SMPD3: variants seen among roughly 807,000 people sequenced by gnomAD.
SMPD3 encodes the protein sphingomyelin phosphodiesterase 3.
SMPD3 carries 21 observed loss-of-function variants against 55.7 expected under a neutral mutation model. That is an observed-to-expected ratio of 0.38 (90% CI 0.27 to 0.54). The LOEUF is 0.54. SMPD3 is among the 20% of genes least tolerant of loss of function. The probability of loss-of-function intolerance (pLI) is 0.80; values close to 1 mark genes in which losing one functional copy is unlikely to be tolerated. For missense variants in SMPD3, 842 were observed against 899.6 expected (o/e 0.94, Z 0.82); for synonymous variants, 457 against 404.3 (o/e 1.13, Z -1.56).
At position 68,404,810 on chromosome 16, in the gene SMPD3, C is replaced by T. The variant is rs1446015526; in HGVS notation, c.-268-18151G>A. Among the ~76,000 whole-genome samples the T allele has an allele frequency of 6.6e-6, 1 of 152,204 alleles. No individual in the cohort carries two copies. The highest frequency in any genetic ancestry group is 2.4e-5 in the African/African-American group (1 of 41,442). On this transcript the variant is annotated intron_variant, in intron 1 of 8. Coordinates refer to ENST00000219334, the MANE Select transcript of SMPD3 (RefSeq NM_018667.4). This position sits in a 1 kb window ranked among gnomAD's most constrained non-coding sequence, Gnocchi z 4.0. ...AATTGGAAATGAAAAGGCCCTGGTA[C>T]TTGACAGATCTACTCCAGTGACTTG...
intron 1 of SMPD3, among the ~76,000 whole-genome samples, chr16:68,416,370 G>C (rs200743669): frequency 3.3e-4 from 51 of 152,254 alleles, no homozygotes; most frequent in African/African-American, 1.1e-3. Flanking sequence ...CCGACCCTGA[G>C]TTGTCCCAGG....
At chr16:68,361,907 C>G (rs1377016851) in intron 7 of SMPD3, 148 bp from the exon 8 acceptor site, 1 of 1,210,024 alleles carries the variant, frequency 8.3e-7, no homozygotes, top group African/African-American at 1.5e-5. Flanking sequence ...CCCTGCGGGT[C>G]CAAAAAGGGC....
At chr16:68,439,035 C>T (rs1035298721) in intron 1 of SMPD3, among the ~76,000 whole-genome samples, 1 of 152,174 alleles carries the variant, frequency 6.6e-6, no homozygotes, top group South Asian at 2.1e-4. Context: ...ATGCCTGACC[C>T]ACTGTAAACA....
At chr16:68,403,536 C>T (rs12596348) in intron 1 of SMPD3, among the ~76,000 whole-genome samples, 2 of 152,222 alleles carry the variant, frequency 1.3e-5, no homozygotes. Context: ...GCTGGTTTGA[C>T]TAATTCAGTA....
intron 2 of SMPD3, among the ~76,000 whole-genome samples, chr16:68,377,560 G>T (rs896318162): frequency 6.6e-6 from 1 of 152,214 alleles, no homozygotes; most frequent in Non-Finnish European, 1.5e-5. Flanking sequence ...CTGAGCCAGA[G>T]CCCCCCTCCC....
intron 1 of SMPD3, among the ~76,000 whole-genome samples, chr16:68,437,229 G>A (rs1424679875): frequency 6.6e-6 from 1 of 152,228 alleles, no homozygotes; most frequent in African/African-American, 2.4e-5. Context: ...ACTTGGTCCT[G>A]GCTGATGAAG....
chr16:68,393,622 C>T (rs1183340840), intron 1 of SMPD3, among the ~76,000 whole-genome samples: 1 of 152,162 alleles, frequency 6.6e-6, no homozygotes, highest in Non-Finnish European at 1.5e-5. Context: ...TGGATTGGAG[C>T]AGGTTTGAGA....
intron 1 of SMPD3, among the ~76,000 whole-genome samples, chr16:68,431,981 G>A (rs192682727): frequency 6.6e-6 from 1 of 151,982 alleles, no homozygotes; most frequent in African/African-American, 2.4e-5. Context: ...TGGGTGTGGT[G>A]GTGCGGGCCT....
rs766543427 is a variant in SMPD3, at chr16:68,364,955, C to T, written c.1400-49G>A. 2.1e-5 allele frequency: 34 copies of T among 1,613,402 alleles called. No individual in the cohort carries two copies. The South Asian group carries it at 2.4e-4, about 11-fold the overall frequency. ...TGGATGATGAAGTTCGCCCCAGACC[C>T]CAGCTAGGCCCCAGGCACTGATCCC... is the stretch of plus-strand genomic sequence containing the variant. On this transcript the variant is annotated intron_variant, in intron 4 of 8. Transcript: ENST00000219334.
At chr16:68,361,858 C>T (rs529093102) in intron 7 of SMPD3, 99 bp from the exon 8 acceptor site, 140 of 536,376 alleles carry the variant, frequency 2.6e-4, no homozygotes, top group African/African-American at 2.2e-3. Context: ...AGTGTGGGAG[C>T]GGGTGGGTGG....
Position 68,447,980 on chromosome 16 carries a change from G to A in SMPD3, c.-269+373C>T, listed in dbSNP as rs1236633681. On this transcript the variant is annotated intron_variant, in intron 1 of 8. Coordinates refer to ENST00000219334, the MANE Select transcript of SMPD3 (RefSeq NM_018667.4). The surrounding 1 kb of genome is among the most constrained non-coding windows in gnomAD (Gnocchi z 5.1). ...GAGCAGCCGAAGTGTTGCGGGGAGG[G>A]GTCCCCCTGCCTCGAGTCCCTTCAT... is the stretch of plus-strand genomic sequence containing the variant. 1.3e-5 allele frequency among the ~76,000 whole-genome samples: 2 copies of A among 152,134 alleles called. No individual in the cohort carries two copies. The highest frequency in any genetic ancestry group is 4.8e-5 in the African/African-American group (2 of 41,436).
intron 1 of SMPD3, among the ~76,000 whole-genome samples, chr16:68,390,505 A>G (rs1160193255): frequency 6.6e-6 from 1 of 152,138 alleles, no homozygotes; most frequent in Non-Finnish European, 1.5e-5. Flanking sequence ...TAAAAAATAT[A>G]CAAAAACTAG....
chr16:68,418,735 T>A (rs1429994276), intron 1 of SMPD3, among the ~76,000 whole-genome samples: 1 of 152,208 alleles, frequency 6.6e-6, no homozygotes, highest in Non-Finnish European at 1.5e-5. Context: ...GGGAGGTAGC[T>A]TGGGAAACTC....
chr16:68,420,296 T>C (rs1451718156), intron 1 of SMPD3, among the ~76,000 whole-genome samples: 1 of 152,246 alleles, frequency 6.6e-6, no homozygotes. Flanking sequence ...TCCATTTCAT[T>C]TGAACTTCGC....
At chr16:68,406,998 C>T (rs1271939280) in intron 1 of SMPD3, among the ~76,000 whole-genome samples, 1 of 152,126 alleles carries the variant, frequency 6.6e-6, no homozygotes, top group Admixed American at 6.5e-5. Context: ...GATGGCTGTT[C>T]TGGGCTGTTT....
chr16:68,370,484 C>T (rs1699524944), intron 3 of SMPD3, among the ~76,000 whole-genome samples: 1 of 152,056 alleles, frequency 6.6e-6, no homozygotes, highest in Admixed American at 6.5e-5. Context: ...TCACTGCCAC[C>T]ATCTCCACGG....
chr16:68,373,414 G>A (rs565621849), intron 2 of SMPD3, among the ~76,000 whole-genome samples: 1 of 152,356 alleles, frequency 6.6e-6, no homozygotes, highest in Non-Finnish European at 1.5e-5. Context: ...CCGTCGGGGA[G>A]CCTATAGAAG....
rs2089232922 is a variant in SMPD3, at chr16:68,361,084, CTG to C, written c.*120_*121del. 5 of 876,362 alleles carry C rather than the reference CTG, an allele frequency of 5.7e-6. No individual in the cohort carries two copies. The Admixed American group carries it at 7.5e-5, about 13-fold the overall frequency. 54.3% of individuals were successfully genotyped at this position (876,362 alleles called of 1,614,324 possible). On this transcript the variant is annotated 3_prime_UTR_variant, in exon 9 of 9. Transcript: ENST00000219334. ...CAGCTTCCAGGTTCCCGGGCACTGA[CTG>C]TGGCTCCCTCCCTGTCCCTGCCCTC... is the stretch of plus-strand genomic sequence containing the variant.
rs944978546 is a variant in SMPD3 at position 68,447,674 on chromosome 16, C to T, written c.-269+679G>A. On this transcript the variant is annotated intron_variant, in intron 1 of 8. Coordinates refer to ENST00000219334, the MANE Select transcript of SMPD3 (RefSeq NM_018667.4). The surrounding 1 kb of genome is among the most constrained non-coding windows in gnomAD (Gnocchi z 5.1). The stretch of plus-strand genomic sequence containing the variant: ...TGGGGAGGGGTCTCCCAGCGTTTCC[C>T]TGCCACATTCCAATTCCACCCTTCA... Among the ~76,000 whole-genome samples the T allele has an allele frequency of 6.6e-6, 1 of 151,810 alleles. No homozygotes were observed. Among genetic ancestry groups the T allele is most frequent in the African/African-American group, 2.4e-5 (1 of 41,296 alleles).
Sources: gnomAD v4.1 joint callset for allele counts (sites outside exome capture counted in the v4.1 genomes callset) on GRCh38, gnomAD v4.1.1 for gene constraint, Gnocchi (gnomAD v3.1) non-coding constraint, MANE v1.5 for transcripts, NCBI Gene and HGNC (gene_info 2026-07-23, HGNC 2026-07-21) for gene names.